CDS2: variants seen among roughly 807,000 people sequenced by gnomAD.
The protein encoded by CDS2 is CDP-diacylglycerol synthase 2.
Under a neutral mutation model 59.0 loss-of-function variants are expected in CDS2, and 47 were observed. That is an observed-to-expected ratio of 0.80 (90% CI 0.63 to 1.02). The LOEUF (loss-of-function observed/expected upper bound fraction) is 1.02. CDS2 is among the 50% of genes least tolerant of loss of function. The pLI is 0.00. For synonymous variants in CDS2, 207 were observed against 206.4 expected, an observed-to-expected ratio of 1.00 and a Z score of -0.02; for missense variants, 356 against 558.9, an observed-to-expected ratio of 0.64 and a Z score of 3.66.
At chr20:5,154,686 C>T (rs2090819421) in intron 1 of CDS2, among the ~76,000 whole-genome samples, 1 of 152,210 alleles carries the variant, frequency 6.6e-6, no homozygotes, top group African/African-American at 2.4e-5. Flanking sequence ...CTTAGTCTGT[C>T]ACCCAGGTGG....
chr20:5,167,597 T>C (rs1386057321), intron 1 of CDS2, among the ~76,000 whole-genome samples: 1 of 152,196 alleles, frequency 6.6e-6, no homozygotes, highest in African/African-American at 2.4e-5. Flanking sequence ...GAAAGCCTAC[T>C]TGGCTTTTTC....
chr20:5,178,786 C>T, intron 4 of CDS2, 31 bp from the exon 5 acceptor site: 1 of 1,613,414 alleles, frequency 6.2e-7, no homozygotes, highest in Non-Finnish European at 8.5e-7. Context: ...CAAGGGTGCT[C>T]CCCACGGCAA....
At chr20:5,143,706 A>G (rs572008693) in intron 1 of CDS2, among the ~76,000 whole-genome samples, 22 of 144,012 alleles carry the variant, frequency 1.5e-4, no homozygotes, top group African/African-American at 5.5e-4. Context: ...TGCTAGGAAC[A>G]TGAGTGTACA....
chr20:5,146,874 C>T (rs1388273638), intron 1 of CDS2, among the ~76,000 whole-genome samples: 1 of 152,194 alleles, frequency 6.6e-6, no homozygotes, highest in African/African-American at 2.4e-5. Flanking sequence ...TTTTGACTCT[C>T]TTGCCCTTCT....
rs866786243 is a variant in CDS2, at chr20:5,127,126, C to T, written c.34C>T (p.Pro12Ser). 11 of 1,496,586 alleles carry T rather than the reference C, an allele frequency of 7.4e-6. No homozygotes were observed. The highest frequency in any genetic ancestry group is 9.8e-6 in the Non-Finnish European group (11 of 1,122,124). 92.7% of individuals were successfully genotyped at this position (1,496,586 alleles called of 1,614,324 possible). The change falls in exon 1 of 13, where the codon CCG (proline) becomes TCG (serine). Residue 12 changes from proline (P) to serine (S), a missense_variant. Coordinates refer to ENST00000460006, the MANE Select transcript of CDS2 (RefSeq NM_003818.4). ...TELRQRVAHE[P>S]VAPPEDKESE... ...GCTGAGGCAGAGGGTGGCCCATGAG[C>T]CGGTTGCGCCACCCGAGGACAAGGT...
In CDS2 at chr20:5,186,509, CT is replaced by C. The variant is rs796198951; in HGVS notation, c.829-165del. Among the ~76,000 whole-genome samples the C allele has an allele frequency of 7.5e-3, 1,075 of 143,522 alleles. 3 individuals are homozygous for C. Among genetic ancestry groups the C allele is most frequent in the African/African-American group, 0.015 (598 of 39,422 alleles). 94.2% of individuals were successfully genotyped at this position (143,522 alleles called of 152,430 possible). On this transcript the variant is annotated intron_variant, in intron 9 of 12. Coordinates refer to ENST00000460006, the MANE Select transcript of CDS2 (RefSeq NM_003818.4). ...TGTAACCTTGGTGGGTCATGAGCCT[CT>C]TTTTTTTTTTTTAATTGAGGTAAAA...
chr20:5,185,618 C>G, intron 8 of CDS2, 140 bp from the exon 9 acceptor site: 1 of 666,894 alleles, frequency 1.5e-6, no homozygotes, highest in Non-Finnish European at 2.6e-6. Context: ...ACAAGGAAAC[C>G]ATATTTGGGG....
At chr20:5,135,294 G>A (rs261345) in intron 1 of CDS2, among the ~76,000 whole-genome samples, 113,243 of 152,108 alleles carry the variant, frequency 0.74, 42,501 homozygotes, top group East Asian at 1. Context: ...GAGTGTTACT[G>A]TTTCTGGTTT....
chr20:5,154,033 C>G (rs2090813210), intron 1 of CDS2, among the ~76,000 whole-genome samples: 1 of 152,142 alleles, frequency 6.6e-6, no homozygotes. Flanking sequence ...CAGTTCCTTC[C>G]TTGCCTGTAG....
At chr20:5,162,057 G>A (rs1183887959) in intron 1 of CDS2, among the ~76,000 whole-genome samples, 1 of 152,070 alleles carries the variant, frequency 6.6e-6, no homozygotes, top group Non-Finnish European at 1.5e-5. Context: ...TGTGGCAGAG[G>A]GGCAGAATTA....
chr20:5,189,861 C>T (rs1311288360), intron 12 of CDS2, 23 bp downstream of exon 12: 2 of 1,567,734 alleles, frequency 1.3e-6, no homozygotes, highest in African/African-American at 1.4e-5. Context: ...TCCATCTGAA[C>T]CAAGTTGGTG....
chr20:5,170,318 C>G (rs2090946284), intron 1 of CDS2, among the ~76,000 whole-genome samples: 1 of 152,188 alleles, frequency 6.6e-6, no homozygotes, highest in East Asian at 1.9e-4. Flanking sequence ...AGCATGGGTT[C>G]CAGGTCCCTG....
At chr20:5,163,025 C>T (rs1294289389) in intron 1 of CDS2, among the ~76,000 whole-genome samples, 1 of 152,128 alleles carries the variant, frequency 6.6e-6, no homozygotes, top group African/African-American at 2.4e-5. Context: ...ATTGACTTTT[C>T]TTTGCTGGGG....
rs1418711764 is a variant in CDS2 at position 5,194,654 on chromosome 20, T to C, written c.*4420T>C. On this transcript the variant is annotated 3_prime_UTR_variant, in exon 13 of 13. Coordinates refer to ENST00000460006, the MANE Select transcript of CDS2 (RefSeq NM_003818.4). ...CTGAAGTGTTGGGATTTTGAGGACA[T>C]GCGGATGATTTATGAGAATAGAGGG... The C allele has an allele frequency of 1.3e-5, 2 of 152,244 alleles. No homozygotes were observed. Among genetic ancestry groups the C allele is most frequent in the East Asian group, 3.9e-4 (2 of 5,194 alleles). 9.4% of individuals were successfully genotyped at this position (152,244 alleles called of 1,614,324 possible).
Position 5,175,251 on chromosome 20 carries a change from A to C in CDS2, c.263A>C (p.Tyr88Ser). 1 of 1,613,980 alleles carries C rather than the reference A, an allele frequency of 6.2e-7. No individual in the cohort carries two copies. The highest frequency in any genetic ancestry group is 1.6e-4 in the Middle Eastern group (1 of 6,062). The change falls in exon 3 of 13, where the codon TAC becomes TCC. Residue 88 changes from tyrosine (Y) to serine (S), a missense_variant. Physicochemically the swap from Tyr to Ser is moderately radical, Grantham distance 144 (BLOSUM62 -2). Around this residue, in one of 5 missense-constraint regions of CDS2, gnomAD observed 107 missense variants for 129.7 expected, o/e 0.82. Transcript: ENST00000460006. ...AMIAFFFIII[Y>S]LGPMVLMIIV... is the part of the protein sequence containing the mutation. ...ATTGCATTTTTCTTCATCATCATTT[A>C]CCTGGGACCAATGGTTTTGATGATA...
chr20:5,173,799 C>G, intron 2 of CDS2, 140 bp downstream of exon 2: 1 of 983,914 alleles, frequency 1.0e-6, no homozygotes, highest in African/African-American at 1.6e-5. Context: ...CTGCTCCAGG[C>G]TCCATTGAGT....
chr20:5,140,404 C>G (rs893887311), intron 1 of CDS2, among the ~76,000 whole-genome samples: 1 of 152,188 alleles, frequency 6.6e-6, no homozygotes, highest in Non-Finnish European at 1.5e-5. Flanking sequence ...TGTGATCTCT[C>G]CTCCCTGCAG....
chr20:5,193,824 A>G lies in CDS2; in HGVS notation c.*3590A>G, dbSNP rs2091136320. The G allele has an allele frequency of 6.6e-6, 1 of 152,256 alleles. No homozygotes were observed. The highest frequency in any genetic ancestry group is 6.5e-5 in the Admixed American group (1 of 15,292). The allele number at this position is 152,256 out of a possible 1,614,324, so 9.4% of individuals were successfully genotyped here. ...TTTTCATCACCCTACTAAATGTGGT[A>G]TGTCACTGCTGAAGCCTTTTCCTGT... On this transcript the variant is annotated 3_prime_UTR_variant, in exon 13 of 13. Coordinates refer to ENST00000460006, the MANE Select transcript of CDS2 (RefSeq NM_003818.4).
chr20:5,138,507 T>C lies in CDS2; in HGVS notation c.57+11358T>C, dbSNP rs143414365. On this transcript the variant is annotated intron_variant, in intron 1 of 12. Coordinates refer to ENST00000460006, the MANE Select transcript of CDS2 (RefSeq NM_003818.4). ...TAATTAATTTTATTTATTTTTGAGATGGAGTTTTGCTCTTGTCACCCAGGC... is the reference window on the plus strand; with the variant it reads ...TAATTAATTTTATTTATTTTTGAGACGGAGTTTTGCTCTTGTCACCCAGGC... 5.6e-3 allele frequency among the ~76,000 whole-genome samples: 853 copies of C among 152,040 alleles called. 8 individuals are homozygous for C. Among genetic ancestry groups the C allele is most frequent in the African/African-American group, 0.02 (816 of 41,470 alleles).
Sources: gnomAD v4.1 joint callset for allele counts (sites outside exome capture counted in the v4.1 genomes callset) on GRCh38, gnomAD v4.1.1 for gene constraint, gnomAD v4.1.1 regional missense constraint, MANE v1.5 for transcripts, NCBI Gene and HGNC (gene_info 2026-07-23, HGNC 2026-07-21) for gene names.